The following FBXO11 variants were observed in gnomAD, a reference collection of about 807,000 sequenced individuals.
The protein encoded by FBXO11 is F-box only protein 11.
A neutral mutation model predicts 117.0 loss-of-function variants in FBXO11; 13 were observed. That is an observed-to-expected ratio of 0.11 (90% confidence interval 0.07 to 0.18). The LOEUF (loss-of-function observed/expected upper bound fraction) is 0.18. Ranked by LOEUF, FBXO11 falls within the 10% of genes least tolerant of loss-of-function variation. The probability of loss-of-function intolerance (pLI) is 1.00; values close to 1 mark genes in which losing one functional copy is unlikely to be tolerated. For synonymous variants in FBXO11, 490 were observed against 380.5 expected (o/e 1.29, Z -3.35); for missense variants, 767 against 1,164.4 (o/e 0.66, Z 4.97).
At chr2:47,838,467 G>C (rs1425501813) in intron 4 of FBXO11, among the ~76,000 whole-genome samples, 1 of 151,940 alleles carries the variant, frequency 6.6e-6, no homozygotes, top group Non-Finnish European at 1.5e-5. Context: ...TAATTACTGG[G>C]TCAAAGGGCA....
intron 1 of FBXO11, among the ~76,000 whole-genome samples, chr2:47,871,457 G>T (rs1675617857): frequency 6.6e-6 from 1 of 152,098 alleles, no homozygotes; most frequent in Non-Finnish European, 1.5e-5. Context: ...TAAATTTGGG[G>T]GTAATCTGTC....
At chr2:47,899,626 C>T (rs1677947573) in intron 1 of FBXO11, among the ~76,000 whole-genome samples, 1 of 152,162 alleles carries the variant, frequency 6.6e-6, no homozygotes, top group Non-Finnish European at 1.5e-5. Flanking sequence ...ACTCTGAGCT[C>T]TTTACATCAT....
intron 1 of FBXO11, among the ~76,000 whole-genome samples, chr2:47,894,315 T>C (rs1003668820): frequency 6.6e-6 from 1 of 152,166 alleles, no homozygotes; most frequent in African/African-American, 2.4e-5. Context: ...AATAAGCTTA[T>C]TGTAAGACAA....
intron 1 of FBXO11, among the ~76,000 whole-genome samples, chr2:47,900,653 TATACACACAC>T (rs1558486710): frequency 5.3e-5 from 6 of 113,416 alleles, no homozygotes; most frequent in Non-Finnish European, 9.4e-5. Flanking sequence ...TATACACACG[TATACACACAC>T]GTACGTATAT....
At chr2:47,874,909 G>T (rs1675888858) in intron 1 of FBXO11, among the ~76,000 whole-genome samples, 2 of 147,874 alleles carry the variant, frequency 1.4e-5, no homozygotes, top group Admixed American at 1.3e-4. Flanking sequence ...GGATGGTTCA[G>T]GTTCATGTTG....
At position 47,839,781 on chromosome 2, in the gene FBXO11, A is replaced by C; in HGVS notation, c.233-12T>G. The stretch of plus-strand genomic sequence containing the variant: ...AGGCACATCATCATCTGTTATAAAC[A>C]AAAGCAATAAGAAAAATTATACCCT... On this transcript the variant is annotated splice_polypyrimidine_tract_variant and intron_variant, in intron 1 of 22. Coordinates refer to ENST00000403359, the MANE Select transcript of FBXO11 (RefSeq NM_001190274.2). 8 of 1,594,700 alleles carry C rather than the reference A, an allele frequency of 5.0e-6. No homozygotes were observed. Among genetic ancestry groups the C allele is most frequent in the Non-Finnish European group, 6.0e-6 (7 of 1,174,856 alleles).
At chr2:47,814,724 C>CT (rs1670891529) in intron 16 of FBXO11, among the ~76,000 whole-genome samples, 1 of 152,182 alleles carries the variant, frequency 6.6e-6, no homozygotes, top group African/African-American at 2.4e-5. Context: ...GCCACATAGA[C>CT]TGACTCTTCC....
chr2:47,845,260 T>C (rs1673318059), intron 1 of FBXO11, among the ~76,000 whole-genome samples: 1 of 151,032 alleles, frequency 6.6e-6, no homozygotes, highest in African/African-American at 2.4e-5. Flanking sequence ...AATTAATTCA[T>C]TTGCATCCTA....
intron 1 of FBXO11, among the ~76,000 whole-genome samples, chr2:47,853,749 G>T (rs1411802917): frequency 6.6e-6 from 1 of 152,126 alleles, no homozygotes; most frequent in East Asian, 1.9e-4. Context: ...TGGCAGAGAT[G>T]ACCTCTCAAC....
intron 1 of FBXO11, among the ~76,000 whole-genome samples, chr2:47,885,603 T>C (rs1012778092): frequency 6.6e-6 from 1 of 151,908 alleles, no homozygotes; most frequent in African/African-American, 2.4e-5. Context: ...GAACAATGTG[T>C]ACATGAGTTT....
rs1394522117 is a variant in FBXO11, at chr2:47,810,566, G to C, written c.2228-140C>G. On this transcript the variant is annotated intron_variant, in intron 18 of 22. Transcript: ENST00000403359. ...AGGACTATTTTTTCAGCCAAAACAAGTTTATTAGCAATTCAGAGGTATTAA... is the reference window on the plus strand; with the variant it reads ...AGGACTATTTTTTCAGCCAAAACAACTTTATTAGCAATTCAGAGGTATTAA... 5.4e-6 allele frequency: 3 copies of C among 557,514 alleles called. No homozygotes were observed. In the African/African-American group the frequency reaches 5.8e-5, roughly 11 times the overall value. 34.5% of individuals were successfully genotyped at this position (557,514 alleles called of 1,614,324 possible). A position where few individuals can be genotyped will look rare whatever the true frequency, so the allele number is the denominator to read the frequency against.
At chr2:47,874,089 C>G (rs1357708535) in intron 1 of FBXO11, among the ~76,000 whole-genome samples, 1 of 152,088 alleles carries the variant, frequency 6.6e-6, no homozygotes, top group East Asian at 1.9e-4. Flanking sequence ...TGGCGGGCAC[C>G]TGTAATTCCA....
At chr2:47,866,803 C>G (rs1200231866) in intron 1 of FBXO11, among the ~76,000 whole-genome samples, 1 of 152,110 alleles carries the variant, frequency 6.6e-6, no homozygotes, top group Admixed American at 6.6e-5. Context: ...AACCTTTCAG[C>G]TGCATGTCAC....
chr2:47,821,031 T>C (rs761913859), intron 13 of FBXO11, among the ~76,000 whole-genome samples: 2 of 152,216 alleles, frequency 1.3e-5, no homozygotes, highest in South Asian at 2.1e-4. Flanking sequence ...ACAAAGTATA[T>C]TAAACTACCA....
At chr2:47,812,053 A>G (rs1341892063) in intron 18 of FBXO11, among the ~76,000 whole-genome samples, 2 of 149,582 alleles carry the variant, frequency 1.3e-5, no homozygotes, top group Non-Finnish European at 2.9e-5. Flanking sequence ...GATTATTTCC[A>G]CTACACCTCA....
intron 3 of FBXO11, 148 bp downstream of exon 3, chr2:47,839,271 G>A (rs1310858609): frequency 1.3e-6 from 1 of 758,420 alleles, no homozygotes; most frequent in Non-Finnish European, 2.1e-6. Flanking sequence ...GTCAGAGGGA[G>A]AGGTCAGGGT....
chr2:47,829,862 T>A (rs1284065846), intron 11 of FBXO11, among the ~76,000 whole-genome samples: 1 of 152,096 alleles, frequency 6.6e-6, no homozygotes, highest in Non-Finnish European at 1.5e-5. Context: ...AAATGATAGT[T>A]GTTGAAGGCA....
intron 4 of FBXO11, among the ~76,000 whole-genome samples, chr2:47,838,491 G>C (rs1175349635): frequency 6.8e-6 from 1 of 146,956 alleles, no homozygotes; most frequent in Admixed American, 6.6e-5. Context: ...ATTATTTAAA[G>C]ATTCATGAAT....
intron 1 of FBXO11, among the ~76,000 whole-genome samples, chr2:47,887,445 T>C (rs1305666229): frequency 1.3e-5 from 2 of 151,950 alleles, no homozygotes; most frequent in Non-Finnish European, 2.9e-5. Context: ...TTAAATTCTA[T>C]GTCCCGTGCC....
Sources: allele counts gnomAD v4.1 joint callset (sites outside exome capture counted in the v4.1 genomes callset), GRCh38; gene constraint gnomAD v4.1.1; transcripts MANE v1.5; gene names NCBI Gene and HGNC (gene_info 2026-07-23, HGNC 2026-07-21).